The following ZNF124 variants were observed in gnomAD, a reference collection of about 807,000 sequenced individuals.
ZNF124 encodes zinc finger protein HZF-16.
A neutral mutation model predicts 26.6 loss-of-function variants in ZNF124; 25 were observed. The observed-to-expected ratio is 0.94, with a 90% CI of 0.68 to 1.31. ZNF124 has a LOEUF of 1.31. Among genes scored for constraint, ZNF124 ranks in the 40% most tolerant of loss-of-function variants. ZNF124 has a pLI of 0.00. For missense variants in ZNF124, 444 were observed against 422.2 expected, an observed-to-expected ratio of 1.05 and a Z score of -0.45; for synonymous variants, 129 against 133.3, an observed-to-expected ratio of 0.97 and a Z score of 0.22.
chr1:247,123,740 C>A (rs1438327797), exon 4 of ZNF124: 12 of 622,756 alleles, frequency 1.9e-5, no homozygotes, highest in Admixed American at 5.3e-5. Context: ...AGAGAAGCTG[C>A]TTGATTCGTG....
chr1:247,144,456 G>C (rs1672708777), intron 3 of ZNF124, among the ~76,000 whole-genome samples: 1 of 152,178 alleles, frequency 6.6e-6, no homozygotes, highest in Non-Finnish European at 1.5e-5. Flanking sequence ...GAAAGCTAGG[G>C]TTTAGAGCTG....
chr1:247,151,282 A>C (rs542421729), downstream of ZNF124, among the ~76,000 whole-genome samples: 2 of 152,280 alleles, frequency 1.3e-5, no homozygotes, highest in East Asian at 1.9e-4. Flanking sequence ...AATCGAGACC[A>C]TCCTGGCCAA....
At chr1:247,166,819 A>C (rs1171528002) in intron 1 of ZNF124, among the ~76,000 whole-genome samples, 1 of 152,216 alleles carries the variant, frequency 6.6e-6, no homozygotes, top group African/African-American at 2.4e-5. Flanking sequence ...GTTCTTTATA[A>C]CTATTAATGC....
chr1:247,136,814 G>A (rs981741950), intron 3 of ZNF124, among the ~76,000 whole-genome samples: 3 of 151,994 alleles, frequency 2.0e-5, no homozygotes, highest in Non-Finnish European at 4.4e-5. Flanking sequence ...AGGCGTGGTG[G>A]TGTGCACCTA....
At chr1:247,149,716 A>G (rs1483883937) in intron 3 of ZNF124, 1 of 152,234 alleles carries the variant, frequency 6.6e-6, no homozygotes, top group African/African-American at 2.4e-5. Context: ...AAAAGGTACA[A>G]ACTTTCAGTT....
intron 1 of ZNF124, 170 bp from the exon 2 acceptor site, chr1:247,159,983 T>A: frequency 3.8e-5 from 14 of 366,576 alleles, no homozygotes; most frequent in Non-Finnish European, 5.2e-5. Context: ...GCAGTTCTTT[T>A]TTTTTTTTTT....
At chr1:247,146,858 C>T (rs2103110007) in intron 3 of ZNF124, among the ~76,000 whole-genome samples, 1 of 152,310 alleles carries the variant, frequency 6.6e-6, no homozygotes, top group Non-Finnish European at 1.5e-5. Flanking sequence ...CTGTCTCCCT[C>T]TGCTGGCATC....
chr1:247,127,673 G>A (rs1271376799), intron 3 of ZNF124, among the ~76,000 whole-genome samples: 2 of 148,514 alleles, frequency 1.3e-5, no homozygotes, highest in African/African-American at 2.5e-5. Context: ...GTTCTGTTCC[G>A]TTCTGATTGC....
chr1:247,135,727 AAAAG>A (rs1269466438), intron 3 of ZNF124, among the ~76,000 whole-genome samples: 1 of 152,224 alleles, frequency 6.6e-6, no homozygotes, highest in Non-Finnish European at 1.5e-5. Flanking sequence ...ACACAACAAA[AAAAG>A]AAGACTTCAG....
chr1:247,124,208 CTT>C (rs550995743), intron 3 of ZNF124, among the ~76,000 whole-genome samples: 7 of 142,006 alleles, frequency 4.9e-5, no homozygotes, highest in Admixed American at 7.0e-5. Context: ...GATTTTGTGG[CTT>C]TTTTTTTTTT....
chr1:247,158,400 C>G (rs1254846302), intron 3 of ZNF124, among the ~76,000 whole-genome samples: 1 of 152,160 alleles, frequency 6.6e-6, no homozygotes, highest in African/African-American at 2.4e-5. Context: ...GAAGCAGATG[C>G]TGGCTTTATG....
At position 247,137,487 on chromosome 1, in the gene ZNF124, C is replaced by CAA. The variant is rs56926662; in HGVS notation, c.219-13618_219-13617dup. Among the ~76,000 whole-genome samples, 176 of 81,526 alleles carry CAA rather than the reference C, an allele frequency of 2.2e-3. 2 individuals are homozygous for CAA. The highest frequency in any genetic ancestry group is 2.7e-3 in the African/African-American group (61 of 22,580). The allele number at this position is 81,526 out of a possible 152,430, so 53.5% of individuals were successfully genotyped here. On this transcript the variant is annotated intron_variant, in intron 3 of 3. Coordinates refer to the ZNF124 transcript ENST00000472531. ...CGAAACCCTGTCTCTACTAAAAATA[C>CAA]AAAAAAAAAAAAAAAAAAAAAAAGA...
intron 3 of ZNF124, among the ~76,000 whole-genome samples, chr1:247,140,072 T>C (rs1481522022): frequency 6.6e-6 from 1 of 152,226 alleles, no homozygotes; most frequent in African/African-American, 2.4e-5. Flanking sequence ...GTGGATGATA[T>C]CCTAGAATGT....
downstream of ZNF124, among the ~76,000 whole-genome samples, chr1:247,151,290 C>T (rs562075598): frequency 7.8e-4 from 119 of 152,104 alleles, no homozygotes; most frequent in Admixed American, 7.2e-4. Context: ...CCATCCTGGC[C>T]AACATGGTGA....
At chr1:247,145,480 C>T (rs889117709) in intron 3 of ZNF124, among the ~76,000 whole-genome samples, 26 of 152,190 alleles carry the variant, frequency 1.7e-4, no homozygotes, top group Middle Eastern at 3.4e-3. Context: ...CGGTCGGGGG[C>T]CTCCCACACT....
intron 1 of ZNF124, among the ~76,000 whole-genome samples, chr1:247,169,688 G>A (rs1673985697): frequency 6.7e-6 from 1 of 149,550 alleles, no homozygotes; most frequent in Admixed American, 6.7e-5. Context: ...CTTTGGAATA[G>A]CTGTTCTCCC....
intron 3 of ZNF124, among the ~76,000 whole-genome samples, chr1:247,128,155 T>C (rs868646446): frequency 7.2e-5 from 11 of 152,056 alleles, no homozygotes; most frequent in African/African-American, 1.9e-4. Flanking sequence ...AGATGCAGTA[T>C]TGTAATTGTT....
chr1:247,131,797 G>A lies in ZNF124; in HGVS notation c.219-7926C>T, dbSNP rs186507417. On this transcript the variant is annotated intron_variant, in intron 3 of 3. Transcript: ENST00000472531. ...GGATCTCCCTAGGCCTGAGCCCCTA[G>A]GGGGAGGGGTGGCCGCAGTCTCTGC... is the stretch of plus-strand genomic sequence containing the variant. 2.7e-4 allele frequency among the ~76,000 whole-genome samples: 41 copies of A among 152,294 alleles called. No individual in the cohort carries two copies. In the East Asian group the frequency reaches 6.4e-3, roughly 24 times the overall value.
At chr1:247,151,898 G>A (rs1483659463), downstream of ZNF124, among the ~76,000 whole-genome samples, 1 of 151,712 alleles carries the variant, frequency 6.6e-6, no homozygotes, top group African/African-American at 2.4e-5. Context: ...ATGTACAAAA[G>A]GGCTCCTGCT....
Sources: allele counts gnomAD v4.1 joint callset (sites outside exome capture counted in the v4.1 genomes callset), GRCh38; gene constraint gnomAD v4.1.1; transcripts MANE v1.5; gene names NCBI Gene and HGNC (gene_info 2026-07-23, HGNC 2026-07-21).